ARHGAP26: variants seen among roughly 807,000 people sequenced by gnomAD.
ARHGAP26 encodes the protein Rho GTPase activating protein 26, also known as rho GTPase-activating protein 26.
A neutral mutation model predicts 104.8 loss-of-function variants in ARHGAP26; 38 were observed. The observed-to-expected ratio is 0.36, with a 90% CI of 0.28 to 0.48. The LOEUF (loss-of-function observed/expected upper bound fraction) is 0.48. Among genes scored for constraint, ARHGAP26 ranks in the 20% least tolerant of loss-of-function variants. The pLI, the probability that ARHGAP26 is intolerant of heterozygous loss-of-function variation, is 0.99. For missense variants in ARHGAP26, 704 were observed against 947.9 expected (o/e 0.74, Z 3.38); for synonymous variants, 341 against 340.0 (o/e 1.00, Z -0.03).
At chr5:142,949,223 AGAGAGAGAG>A (rs1385841388) in intron 11 of ARHGAP26, among the ~76,000 whole-genome samples, 3 of 59,038 alleles carry the variant, frequency 5.1e-5, no homozygotes, top group Middle Eastern at 8.1e-3. Flanking sequence ...GAGAGAGAGG[AGAGAGAGAG>A]GAGAGAGAGA....
At chr5:143,199,602 T>G (rs1207923761) in intron 20 of ARHGAP26, among the ~76,000 whole-genome samples, 1 of 152,184 alleles carries the variant, frequency 6.6e-6, no homozygotes, top group African/African-American at 2.4e-5. Context: ...CCCTGTTAGT[T>G]TAATAGCACC....
chr5:143,194,665 A>C (rs1806498752), intron 20 of ARHGAP26, among the ~76,000 whole-genome samples: 1 of 152,192 alleles, frequency 6.6e-6, no homozygotes, highest in Non-Finnish European at 1.5e-5. Flanking sequence ...TTGAAGGACA[A>C]GAACTAGAAG....
intron 17 of ARHGAP26, among the ~76,000 whole-genome samples, chr5:143,070,426 C>A (rs1027484059): frequency 1.3e-5 from 2 of 152,126 alleles, no homozygotes; most frequent in African/African-American, 4.8e-5. Context: ...TAGGCACATA[C>A]CTACGCATAA....
chr5:143,210,771 G>A (rs1156229210), intron 21 of ARHGAP26, among the ~76,000 whole-genome samples: 2 of 152,198 alleles, frequency 1.3e-5, no homozygotes, highest in Non-Finnish European at 2.9e-5. Flanking sequence ...GGCATTTGAG[G>A]GAAACTCCTG....
chr5:142,918,492 A>G (rs1034427857), intron 10 of ARHGAP26, among the ~76,000 whole-genome samples: 1 of 152,202 alleles, frequency 6.6e-6, no homozygotes, highest in African/African-American at 2.4e-5. Context: ...ATCTACTTTT[A>G]ATTCTTATAT....
intron 12 of ARHGAP26, among the ~76,000 whole-genome samples, chr5:143,017,029 A>G (rs933370627): frequency 6.6e-6 from 1 of 152,240 alleles, no homozygotes; most frequent in South Asian, 2.1e-4. Context: ...GACACAATCT[A>G]AACTCTTTTA....
chr5:143,109,759 T>C (rs929579874), intron 17 of ARHGAP26, among the ~76,000 whole-genome samples: 2 of 152,180 alleles, frequency 1.3e-5, no homozygotes, highest in Non-Finnish European at 2.9e-5. Context: ...TCTCTTTGAA[T>C]GTTAAGCAAC....
chr5:142,992,699 T>C (rs1002898500), intron 11 of ARHGAP26, among the ~76,000 whole-genome samples: 3 of 152,142 alleles, frequency 2.0e-5, no homozygotes, highest in Admixed American at 1.3e-4. Flanking sequence ...GTGCTAGCAT[T>C]ACAGGCATGA....
At chr5:142,988,584 G>A (rs1352617276) in intron 11 of ARHGAP26, among the ~76,000 whole-genome samples, 1 of 152,052 alleles carries the variant, frequency 6.6e-6, no homozygotes, top group Non-Finnish European at 1.5e-5. Context: ...TATGATGTTA[G>A]GGTGTCAATT....
chr5:143,157,885 G>A (rs1800696341), intron 20 of ARHGAP26, among the ~76,000 whole-genome samples: 1 of 152,200 alleles, frequency 6.6e-6, no homozygotes, highest in Admixed American at 6.5e-5. Flanking sequence ...CCAGGGTCAA[G>A]CCTCAGCTCT....
chr5:142,808,678 A>C (rs1013811851), intron 1 of ARHGAP26, among the ~76,000 whole-genome samples: 1 of 152,080 alleles, frequency 6.6e-6, no homozygotes, highest in Non-Finnish European at 1.5e-5. Flanking sequence ...ACTGAGTGGA[A>C]TGGGAGACCC....
Position 143,085,461 on chromosome 5 carries a change from G to A in ARHGAP26, c.1538+27714G>A, listed in dbSNP as rs549564171. ...AGTTCCAGTTAATGGCATGTGTGAA[G>A]GCAAGCAGTGTCACAGGAGTACAGA... On this transcript the variant is annotated intron_variant, in intron 17 of 22. Transcript: ENST00000645722. Among the ~76,000 whole-genome samples, 8 of 152,306 alleles carry A rather than the reference G, an allele frequency of 5.3e-5. No individual in the cohort carries two copies. The South Asian group carries it at 1.7e-3, about 32-fold the overall frequency.
chr5:142,927,077 A>T (rs529857505), intron 10 of ARHGAP26, among the ~76,000 whole-genome samples: 2 of 152,308 alleles, frequency 1.3e-5, no homozygotes, highest in East Asian at 3.9e-4. Context: ...TGCCGTGGTT[A>T]TACATCTAGG....
intron 11 of ARHGAP26, among the ~76,000 whole-genome samples, chr5:142,978,194 G>A (rs962619530): frequency 1.3e-5 from 2 of 152,154 alleles, no homozygotes; most frequent in Non-Finnish European, 2.9e-5. Context: ...GGGGCTTAGG[G>A]TTTGCCCAAG....
chr5:143,076,871 G>A (rs1157852267), intron 17 of ARHGAP26, among the ~76,000 whole-genome samples: 2 of 151,066 alleles, frequency 1.3e-5, no homozygotes, highest in Non-Finnish European at 2.9e-5. Flanking sequence ...CCCTTTCCTC[G>A]TATTCCTAAG....
intron 12 of ARHGAP26, among the ~76,000 whole-genome samples, chr5:143,028,736 G>T (rs1465888677): frequency 6.6e-6 from 1 of 152,172 alleles, no homozygotes; most frequent in East Asian, 1.9e-4. Flanking sequence ...CTGAGGCAGG[G>T]TTCTAATCCA....
rs1755048087 is a variant in ARHGAP26 at position 142,770,824 on chromosome 5, G to A, written c.63G>A (p.Thr21=). The part of the protein sequence containing the change: ...CCLDSPHFRE[T]LKSHEAELDK... The stretch of plus-strand genomic sequence containing the variant: ...TCGATAGTCCGCACTTCCGAGAGAC[G>A]CTCAAGTCGCACGAAGCAGAGCTGG... The change falls in exon 1 of 23, where the codon ACG becomes ACA. Residue 21 remains threonine, a synonymous_variant. Coordinates refer to ENST00000645722, the MANE Select transcript of ARHGAP26 (RefSeq NM_001135608.3). The A allele has an allele frequency of 1.9e-6, 3 of 1,609,644 alleles. No individual in the cohort carries two copies. The highest frequency in any genetic ancestry group is 2.2e-5 in the South Asian group (2 of 90,724).
At chr5:143,148,462 A>G (rs982879162) in intron 20 of ARHGAP26, among the ~76,000 whole-genome samples, 1 of 152,256 alleles carries the variant, frequency 6.6e-6, no homozygotes, top group African/African-American at 2.4e-5. Context: ...CTTAAGAGGT[A>G]CATAATAAAA....
chr5:142,939,624 T>A (rs1195988231), intron 11 of ARHGAP26, among the ~76,000 whole-genome samples: 3 of 152,198 alleles, frequency 2.0e-5, no homozygotes, highest in Admixed American at 6.5e-5. Context: ...TAAGATTGAT[T>A]ACTGTTAAGA....
Sources: allele counts gnomAD v4.1 joint callset (sites outside exome capture counted in the v4.1 genomes callset), GRCh38; gene constraint gnomAD v4.1.1; transcripts MANE v1.5; gene names NCBI Gene and HGNC (gene_info 2026-07-23, HGNC 2026-07-21).